MTMR12: variants seen among roughly 807,000 people sequenced by gnomAD.
MTMR12 encodes the protein myotubularin related protein 12, also known as myotubularin-related protein 12.
MTMR12 carries 33 observed loss-of-function variants against 96.7 expected under a neutral mutation model. That is an observed-to-expected ratio of 0.34 (90% CI 0.26 to 0.46). The LOEUF (loss-of-function observed/expected upper bound fraction) is 0.46. Ranked by LOEUF, MTMR12 falls within the 20% of genes least tolerant of loss-of-function variation. MTMR12 has a pLI of 1.00. For missense variants in MTMR12, 721 were observed against 896.1 expected, an observed-to-expected ratio of 0.80 and a Z score of 2.49; for synonymous variants, 298 against 327.2, an observed-to-expected ratio of 0.91 and a Z score of 0.96.
At chr5:32,258,819 A>T (rs369283570) in intron 7 of MTMR12, among the ~76,000 whole-genome samples, 18 of 150,246 alleles carry the variant, frequency 1.2e-4, no homozygotes, top group African/African-American at 3.7e-4. Context: ...GTTTTAAAAA[A>T]TTTCCATGTC....
At chr5:32,268,346 A>G (rs957630719) in intron 6 of MTMR12, among the ~76,000 whole-genome samples, 9 of 152,086 alleles carry the variant, frequency 5.9e-5, no homozygotes, top group African/African-American at 2.2e-4. Context: ...CATCTCTACC[A>G]AAAATACAAA....
chr5:32,247,919 GA>G, intron 10 of MTMR12, 82 bp downstream of exon 10: 2 of 1,535,074 alleles, frequency 1.3e-6, no homozygotes, highest in Non-Finnish European at 8.8e-7. Context: ...GGAACCCAGG[GA>G]AAAGGCACCA....
At chr5:32,239,217 A>G (rs763608074) in intron 12 of MTMR12, 44 bp from the exon 13 acceptor site, 12 of 1,481,070 alleles carry the variant, frequency 8.1e-6, no homozygotes, top group Non-Finnish European at 1.1e-5. Context: ...AGGAGGGCAT[A>G]AAATGTTAAA....
intron 6 of MTMR12, 21 bp from the exon 7 acceptor site, chr5:32,263,263 A>G (rs763584677): frequency 1.9e-6 from 3 of 1,613,210 alleles, no homozygotes; most frequent in Non-Finnish European, 2.5e-6. Flanking sequence ...AAAATGTAAA[A>G]GACAATAAAA....
At chr5:32,301,101 G>C (rs542826507) in intron 1 of MTMR12, among the ~76,000 whole-genome samples, 43 of 152,182 alleles carry the variant, frequency 2.8e-4, no homozygotes, top group Non-Finnish European at 5.7e-4. Context: ...GATTTGTAGG[G>C]CAAGTGAACT....
intron 1 of MTMR12, among the ~76,000 whole-genome samples, chr5:32,294,289 C>T (rs1030041593): frequency 6.6e-6 from 1 of 152,064 alleles, no homozygotes; most frequent in Non-Finnish European, 1.5e-5. Context: ...GCCTCCAGAA[C>T]AGCACTTTTC....
chr5:32,283,083 A>G (rs1750371715), intron 1 of MTMR12, among the ~76,000 whole-genome samples: 1 of 152,130 alleles, frequency 6.6e-6, no homozygotes, highest in Non-Finnish European at 1.5e-5. Flanking sequence ...AAATTCCCCT[A>G]TGTGCATCCT....
chr5:32,244,844 A>C (rs1002519902), intron 10 of MTMR12, among the ~76,000 whole-genome samples: 3 of 152,236 alleles, frequency 2.0e-5, no homozygotes, highest in Non-Finnish European at 2.9e-5. Flanking sequence ...TTCAAAAAGT[A>C]TGTGAAAACA....
At chr5:32,251,210 T>C (rs918159097) in intron 8 of MTMR12, among the ~76,000 whole-genome samples, 18 of 151,936 alleles carry the variant, frequency 1.2e-4, no homozygotes, top group East Asian at 1.9e-4. Flanking sequence ...CGCCCGCCAC[T>C]ACGCCCGGCT....
chr5:32,311,361 A>G (rs1351303026), intron 1 of MTMR12, among the ~76,000 whole-genome samples: 1 of 152,222 alleles, frequency 6.6e-6, no homozygotes, highest in Non-Finnish European at 1.5e-5. Flanking sequence ...TTTTACAACT[A>G]GGACTAAAAA....
intron 5 of MTMR12, 146 bp downstream of exon 5, chr5:32,270,671 C>T: frequency 1.2e-6 from 1 of 850,160 alleles, no homozygotes; most frequent in Non-Finnish European, 1.8e-6. Context: ...TTTTCACGTT[C>T]TAATCAAAGA....
intron 7 of MTMR12, among the ~76,000 whole-genome samples, chr5:32,262,190 G>T (rs76159797): frequency 0.047 from 7,097 of 152,252 alleles, 307 homozygotes; most frequent in African/African-American, 0.11. Flanking sequence ...GTCTGTGAGT[G>T]CCTCAAAAGG....
intron 6 of MTMR12, among the ~76,000 whole-genome samples, chr5:32,267,080 G>A (rs1403354481): frequency 6.7e-6 from 1 of 148,836 alleles, no homozygotes; most frequent in African/African-American, 2.5e-5. Context: ...ACCCTGTCTT[G>A]AAGAAAAATA....
chr5:32,283,384 C>T (rs567384616), intron 1 of MTMR12, among the ~76,000 whole-genome samples: 1 of 152,250 alleles, frequency 6.6e-6, no homozygotes, highest in African/African-American at 2.4e-5. Flanking sequence ...ATTTCTTGGG[C>T]TCTAAGTGCC....
chr5:32,230,904 A>G (rs1284700159), intron 15 of MTMR12, among the ~76,000 whole-genome samples: 2 of 152,240 alleles, frequency 1.3e-5, no homozygotes, highest in South Asian at 4.1e-4. Context: ...CCGAAGTCAT[A>G]AAGATTCTTT....
chr5:32,229,785 T>A lies in MTMR12; in HGVS notation c.2237A>T (p.Asp746Val). The change falls in exon 16 of 16, where the codon GAT becomes GTT. Residue 746 changes from aspartate (D) to valine (V), a missense_variant. By Grantham distance (152) the Asp-to-Val change is radical. Transcript: ENST00000382142. ...KREDEFVDLG[D>V]V ...AATCACTCAACAAACAGGTCACACA[T>A]CCCCTAGGTCCACGAACTCATCTTC... 1 of 1,526,796 alleles carries A rather than the reference T, an allele frequency of 6.5e-7. No homozygotes were observed. Among genetic ancestry groups the A allele is most frequent in the Non-Finnish European group, 8.8e-7 (1 of 1,137,142 alleles). The allele number at this position is 1,526,796 out of a possible 1,614,324, so 94.6% of individuals were successfully genotyped here. A position where few individuals can be genotyped will look rare whatever the true frequency, so the allele number is the denominator to read the frequency against.
At chr5:32,262,426 C>A (rs1337634575) in intron 7 of MTMR12, among the ~76,000 whole-genome samples, 1 of 152,006 alleles carries the variant, frequency 6.6e-6, no homozygotes, top group East Asian at 1.9e-4. Flanking sequence ...CATGGTGAAA[C>A]CCCATCTCTA....
Position 32,312,799 on chromosome 5 carries a change from T to G in MTMR12, c.40A>C (p.Lys14Gln). The G allele has an allele frequency of 6.5e-7, 1 of 1,533,468 alleles. No individual in the cohort carries two copies. Among genetic ancestry groups the G allele is most frequent in the Non-Finnish European group, 8.7e-7 (1 of 1,143,254 alleles). 95.0% of individuals were successfully genotyped at this position (1,533,468 alleles called of 1,614,324 possible). A position where few individuals can be genotyped will look rare whatever the true frequency, so the allele number is the denominator to read the frequency against. The part of the protein sequence containing the change: ...KGVVGGGGGT[K>Q]APKPSFVSYV... ...GACACGAAGGAGGGCTTGGGGGCCT[T>G]GGTGCCGCCGCCACCGCCGACTACT... Residue 14 changes from lysine to glutamine, a missense_variant, in exon 1 of 16, where the codon AAG (lysine) becomes CAG (glutamine). Lys to Gln is a moderately conservative substitution (Grantham distance 53). Coordinates refer to ENST00000382142, the MANE Select transcript of MTMR12 (RefSeq NM_001040446.3). This position sits in a 1 kb window ranked among gnomAD's most constrained non-coding sequence, Gnocchi z 5.0.
chr5:32,279,137 C>T (rs1750183377), intron 1 of MTMR12, among the ~76,000 whole-genome samples: 1 of 134,190 alleles, frequency 7.5e-6, no homozygotes, highest in Admixed American at 8.0e-5. Flanking sequence ...CTGGGCACAG[C>T]AACTCACACC....
Sources: allele counts gnomAD v4.1 joint callset (sites outside exome capture counted in the v4.1 genomes callset), GRCh38; gene constraint gnomAD v4.1.1; non-coding constraint Gnocchi (gnomAD v3.1); transcripts MANE v1.5; gene names NCBI Gene and HGNC (gene_info 2026-07-23, HGNC 2026-07-21).